The following AGBL4 variants were observed in gnomAD, a reference collection of about 807,000 sequenced individuals.
AGBL4 encodes AGBL carboxypeptidase 4.
AGBL4 carries 58 observed loss-of-function variants against 66.4 expected under a neutral mutation model. The observed-to-expected ratio is 0.87, with a 90% confidence interval of 0.71 to 1.09. AGBL4 has a LOEUF of 1.09. AGBL4 is among the 50% of genes least tolerant of loss of function. The pLI is 0.00. For synonymous variants in AGBL4, 234 were observed against 222.9 expected (o/e 1.05, Z -0.44); for missense variants, 579 against 631.0 (o/e 0.92, Z 0.88).
intron 3 of AGBL4, among the ~76,000 whole-genome samples, chr1:49,478,051 G>A (rs1034465769): frequency 6.6e-6 from 1 of 151,622 alleles, no homozygotes; most frequent in Non-Finnish European, 1.5e-5. Flanking sequence ...ATTAAAAGAA[G>A]AAAGCCTGCT....
intron 5 of AGBL4, among the ~76,000 whole-genome samples, chr1:48,961,081 G>A (rs772299614): frequency 1.5e-4 from 10 of 67,768 alleles, no homozygotes; most frequent in Non-Finnish European, 2.3e-4. Context: ...CCAGTCTGGG[G>A]TGTGTGTGTG....
At chr1:48,815,025 A>G (rs547071939) in intron 6 of AGBL4, among the ~76,000 whole-genome samples, 2 of 152,296 alleles carry the variant, frequency 1.3e-5, no homozygotes, top group Admixed American at 6.5e-5. Flanking sequence ...TCAACGGTGT[A>G]TAAGAGTTCC....
chr1:49,496,744 A>G (rs1286775104), intron 3 of AGBL4, among the ~76,000 whole-genome samples: 2 of 151,978 alleles, frequency 1.3e-5, no homozygotes, highest in Non-Finnish European at 2.9e-5. Flanking sequence ...GTGTATGTAT[A>G]CCACATTTTC....
intron 1 of AGBL4, among the ~76,000 whole-genome samples, chr1:49,914,692 T>C (rs1311300318): frequency 6.6e-6 from 1 of 152,192 alleles, no homozygotes; most frequent in African/African-American, 2.4e-5. Context: ...CAGCCTGAGA[T>C]TCCTGTACCA....
Position 49,132,988 on chromosome 1 carries a change from C to A in AGBL4, c.378-87188G>T, listed in dbSNP as rs557903508. ...ACAATAGCAAAGCCTTGGAACCAAC[C>A]CAAATGCCCATCAACGATAGACTGG... On this transcript the variant is annotated intron_variant, in intron 4 of 13. Transcript: ENST00000371839. Among the ~76,000 whole-genome samples the A allele has an allele frequency of 2.0e-5, 3 of 152,242 alleles. No homozygotes were observed. In the East Asian group the frequency reaches 5.8e-4, roughly 29 times the overall value.
At chr1:49,296,347 T>C (rs1644642934) in intron 3 of AGBL4, among the ~76,000 whole-genome samples, 3 of 152,202 alleles carry the variant, frequency 2.0e-5, no homozygotes, top group Admixed American at 6.5e-5. Context: ...AAGCCAGTGA[T>C]AGTTCTGATA....
At chr1:49,152,625 G>C (rs139186036) in intron 4 of AGBL4, among the ~76,000 whole-genome samples, 1 of 152,130 alleles carries the variant, frequency 6.6e-6, no homozygotes. Context: ...TTAGCAGATG[G>C]GGTGAAAATG....
chr1:48,906,651 G>C (rs1171941869), intron 5 of AGBL4, among the ~76,000 whole-genome samples: 1 of 152,190 alleles, frequency 6.6e-6, no homozygotes, highest in Non-Finnish European at 1.5e-5. Context: ...ATTGTATGCA[G>C]ATGGAGCGAG....
intron 1 of AGBL4, among the ~76,000 whole-genome samples, chr1:49,897,875 C>A (rs1177058531): frequency 1.3e-5 from 2 of 151,606 alleles, no homozygotes; most frequent in African/African-American, 4.8e-5. Flanking sequence ...AGGGAAAGGA[C>A]AGTCTGTTCA....
At chr1:48,701,833 A>G (rs1281028711) in intron 6 of AGBL4, among the ~76,000 whole-genome samples, 1 of 152,022 alleles carries the variant, frequency 6.6e-6, no homozygotes, top group Non-Finnish European at 1.5e-5. Flanking sequence ...ATAATTCTGA[A>G]CTCTCAGTCT....
intron 4 of AGBL4, among the ~76,000 whole-genome samples, chr1:49,201,579 T>C (rs934287235): frequency 6.6e-6 from 1 of 152,196 alleles, no homozygotes; most frequent in African/African-American, 2.4e-5. Flanking sequence ...AAAACATCTG[T>C]GTTCAACAAA....
At chr1:49,286,675 A>T (rs1442204704) in intron 3 of AGBL4, among the ~76,000 whole-genome samples, 4 of 151,920 alleles carry the variant, frequency 2.6e-5, no homozygotes, top group Non-Finnish European at 5.9e-5. Flanking sequence ...GGACCTCTTC[A>T]AGGAGAACTA....
chr1:49,947,300 A>G (rs1655303133), intron 1 of AGBL4, among the ~76,000 whole-genome samples: 1 of 152,008 alleles, frequency 6.6e-6, no homozygotes, highest in African/African-American at 2.4e-5. Context: ...CCTAAACAAA[A>G]TACTACCTAA....
chr1:49,068,258 T>C (rs1299381160), intron 4 of AGBL4, among the ~76,000 whole-genome samples: 2 of 151,940 alleles, frequency 1.3e-5, no homozygotes, highest in Non-Finnish European at 2.9e-5. Flanking sequence ...TATTATAAGT[T>C]CTGGGGTACA....
chr1:49,677,219 TTCTTATATCTTTATAA>T (rs1646598041), intron 3 of AGBL4, among the ~76,000 whole-genome samples: 1 of 152,098 alleles, frequency 6.6e-6, no homozygotes, highest in Non-Finnish European at 1.5e-5. Flanking sequence ...TACATCTTTA[TTCTTATATCTTTATAA>T]TCTCTGTAAC....
At chr1:49,989,550 A>T (rs182264575) in intron 1 of AGBL4, among the ~76,000 whole-genome samples, 1 of 152,328 alleles carries the variant, frequency 6.6e-6, no homozygotes, top group Admixed American at 6.5e-5. Flanking sequence ...TACATGAAGA[A>T]AGAGCAGATA....
chr1:48,588,656 A>AGTGTGTGTGTGTGTGTGT (rs57683318), intron 10 of AGBL4, among the ~76,000 whole-genome samples: 2,426 of 147,566 alleles, frequency 0.016, 54 homozygotes, highest in African/African-American at 0.046. Flanking sequence ...GAAACAGAGA[A>AGTGTGTGTGTGTGTGTGT]GTGTGTGTGT....
intron 2 of AGBL4, among the ~76,000 whole-genome samples, chr1:49,773,146 C>A (rs56276750): frequency 0.019 from 2,821 of 152,174 alleles, 82 homozygotes; most frequent in African/African-American, 0.064. Flanking sequence ...TTTTTTATTC[C>A]ATTCTTTGAA....
chr1:49,071,556 G>T lies in AGBL4; in HGVS notation c.378-25756C>A, dbSNP rs1034061836. Among the ~76,000 whole-genome samples, 14 of 151,960 alleles carry T rather than the reference G, an allele frequency of 9.2e-5. 1 individual carries two copies. The highest frequency in any genetic ancestry group is 3.4e-4 in the African/African-American group (14 of 41,226). ...AGTTTCCATGTAGCAGTGCAGTTTT[G>T]AGTGAGTTTCTTAATCCTGAGTTCT... On this transcript the variant is annotated intron_variant, in intron 4 of 13. Coordinates refer to ENST00000371839, the MANE Select transcript of AGBL4 (RefSeq NM_032785.4).
Sources: allele counts gnomAD v4.1 joint callset (sites outside exome capture counted in the v4.1 genomes callset), GRCh38; gene constraint gnomAD v4.1.1; transcripts MANE v1.5; gene names NCBI Gene and HGNC (gene_info 2026-07-23, HGNC 2026-07-21).